Variants in PROS1 observed in about 807,000 individuals in gnomAD.
PROS1 encodes vitamin K-dependent protein S.
PROS1 carries 29 observed loss-of-function variants against 75.9 expected under a neutral mutation model. The observed-to-expected ratio is 0.38, with a 90% confidence interval of 0.28 to 0.52. The LOEUF is 0.52. Ranked by LOEUF, PROS1 falls within the 20% of genes least tolerant of loss-of-function variation. The pLI is 0.83. For synonymous variants in PROS1, 245 were observed against 280.6 expected (o/e 0.87, Z 1.27); for missense variants, 680 against 810.3 (o/e 0.84, Z 1.95).
At chr3:93,919,549 G>A (rs912774428) in intron 3 of PROS1, among the ~76,000 whole-genome samples, 3 of 151,568 alleles carry the variant, frequency 2.0e-5, no homozygotes, top group African/African-American at 7.3e-5. Context: ...AGACAGATCT[G>A]TCATTTGTCT....
At chr3:93,892,876 T>C (rs370050994) in intron 10 of PROS1, 57 bp downstream of exon 10, 33 of 1,548,556 alleles carry the variant, frequency 2.1e-5, no homozygotes, top group East Asian at 1.1e-4. Context: ...AAATAAATTA[T>C]GATTTTATAC....
Position 93,874,371 on chromosome 3 carries a change from A to T in PROS1, c.1905T>A (p.Phe635Leu). 1 of 1,613,432 alleles carries T rather than the reference A, an allele frequency of 6.2e-7. No homozygotes were observed. Among genetic ancestry groups the T allele is most frequent in the Non-Finnish European group, 8.5e-7 (1 of 1,179,522 alleles). ...TATTCACTTCCATGCAGCCATTATA[A>T]AAGGCATTCACTGGTGTGGCACTGA... Reference protein sequence around the residue: ...VPFSATPVNAFYNGCMEVNIN... With the variant: ...VPFSATPVNALYNGCMEVNIN... The change falls in exon 15 of 15, where the codon TTT (phenylalanine) becomes TTA (leucine). Residue 635 changes from phenylalanine to leucine, a missense_variant. Physicochemically the swap from Phe to Leu is conservative, Grantham distance 22. Transcript: ENST00000394236.
chr3:93,944,058 A>C (rs1709339237), intron 1 of PROS1, among the ~76,000 whole-genome samples: 1 of 152,220 alleles, frequency 6.6e-6, no homozygotes. Context: ...CACTTCACAC[A>C]GATGAGTGTG....
At chr3:93,913,119 G>T (rs1217156419) in intron 3 of PROS1, among the ~76,000 whole-genome samples, 2 of 152,168 alleles carry the variant, frequency 1.3e-5, no homozygotes, top group Non-Finnish European at 2.9e-5. Flanking sequence ...TCCCCATGCT[G>T]TTCTCATGAT....
chr3:93,913,383 T>C (rs1179663640), intron 3 of PROS1, among the ~76,000 whole-genome samples: 1 of 152,228 alleles, frequency 6.6e-6, no homozygotes, highest in Non-Finnish European at 1.5e-5. Context: ...TCACAAGATC[T>C]GATGGTTTTA....
chr3:93,914,508 C>G (rs1273868471), intron 3 of PROS1, among the ~76,000 whole-genome samples: 3 of 152,164 alleles, frequency 2.0e-5, no homozygotes, highest in Admixed American at 2.0e-4. Flanking sequence ...GTCCCTAGGT[C>G]GTGCAGAGCA....
intron 6 of PROS1, among the ~76,000 whole-genome samples, chr3:93,904,945 G>C (rs1279389807): frequency 6.6e-6 from 1 of 152,074 alleles, no homozygotes; most frequent in African/African-American, 2.4e-5. Context: ...TATGACCAAT[G>C]ATATGATCTT....
chr3:93,955,911 A>G (rs1314976418), intron 1 of PROS1, among the ~76,000 whole-genome samples: 1 of 152,204 alleles, frequency 6.6e-6, no homozygotes, highest in Non-Finnish European at 1.5e-5. Context: ...CACAATGGGC[A>G]GAATTTGCTT....
chr3:93,882,866 G>C (rs931242867), intron 12 of PROS1, among the ~76,000 whole-genome samples: 1 of 151,978 alleles, frequency 6.6e-6, no homozygotes, highest in Non-Finnish European at 1.5e-5. Flanking sequence ...GATCCTTCTC[G>C]GTCTCCTCTA....
intron 1 of PROS1, among the ~76,000 whole-genome samples, chr3:93,952,254 C>T (rs1449939179): frequency 3.3e-5 from 5 of 152,184 alleles, no homozygotes; most frequent in African/African-American, 9.7e-5. Context: ...GAACTCTCCA[C>T]CCCAAATCAA....
intron 7 of PROS1, among the ~76,000 whole-genome samples, chr3:93,899,720 A>G (rs934149897): frequency 5.3e-5 from 8 of 152,170 alleles, no homozygotes; most frequent in South Asian, 2.1e-4. Flanking sequence ...ATTATTATTG[A>G]TTTAGGCAAC....
intron 2 of PROS1, 113 bp downstream of exon 2, chr3:93,927,137 A>T (rs61519199): frequency 1.5e-6 from 2 of 1,358,084 alleles, no homozygotes; most frequent in African/African-American, 1.4e-5. Context: ...GTGGAAGGTG[A>T]TACACAGAAT....
chr3:93,892,294 C>A (rs1189473833), intron 10 of PROS1, among the ~76,000 whole-genome samples: 1 of 151,452 alleles, frequency 6.6e-6, no homozygotes, highest in African/African-American at 2.4e-5. Flanking sequence ...CATGCCACGG[C>A]ACTCCAGCCT....
intron 6 of PROS1, among the ~76,000 whole-genome samples, chr3:93,902,302 T>A (rs1358630179): frequency 6.6e-6 from 1 of 152,040 alleles, no homozygotes; most frequent in Non-Finnish European, 1.5e-5. Flanking sequence ...TGTCACTAAA[T>A]AAATAAATAA....
intron 2 of PROS1, among the ~76,000 whole-genome samples, chr3:93,924,540 C>T (rs1708987984): frequency 6.6e-6 from 1 of 151,994 alleles, no homozygotes. Flanking sequence ...TAAATATAAT[C>T]ATACATGCCC....
At chr3:93,885,745 A>T (rs998158422) in intron 11 of PROS1, among the ~76,000 whole-genome samples, 1 of 152,212 alleles carries the variant, frequency 6.6e-6, no homozygotes, top group South Asian at 2.1e-4. Flanking sequence ...AGGTATACTC[A>T]TGTCAACATG....
intron 1 of PROS1, among the ~76,000 whole-genome samples, chr3:93,945,329 CA>C (rs1709368619): frequency 1.3e-5 from 2 of 152,182 alleles, no homozygotes; most frequent in Admixed American, 6.5e-5. Flanking sequence ...ATCCTGATAC[CA>C]AAGCCTGGCA....
intron 1 of PROS1, among the ~76,000 whole-genome samples, chr3:93,947,768 C>T (rs768351946): frequency 9.2e-5 from 14 of 152,092 alleles, no homozygotes; most frequent in Non-Finnish European, 1.3e-4. Context: ...GGGGTTTCAC[C>T]GTGTTAGCCA....
chr3:93,927,182 G>C, intron 2 of PROS1, 68 bp downstream of exon 2: 6 of 1,569,346 alleles, frequency 3.8e-6, no homozygotes, highest in Non-Finnish European at 5.3e-6. Context: ...GGAAGTACAG[G>C]CTGGAAATGT....
Sources: allele counts gnomAD v4.1 joint callset (sites outside exome capture counted in the v4.1 genomes callset), GRCh38; gene constraint gnomAD v4.1.1; transcripts MANE v1.5; gene names NCBI Gene and HGNC (gene_info 2026-07-23, HGNC 2026-07-21).